Variants in WDR72 observed in about 807,000 individuals in gnomAD.
WDR72 encodes WD repeat-containing protein 72.
In WDR72, 120 loss-of-function variants were observed where a neutral mutation model predicts 124.2. The ratio of observed to expected loss-of-function variants is 0.97; its 90% CI spans 0.83 to 1.12. The LOEUF (loss-of-function observed/expected upper bound fraction) is 1.12. Among genes scored for constraint, WDR72 ranks in the 50% most tolerant of loss-of-function variants. The pLI is 0.00. For missense variants in WDR72, 1,387 were observed against 1,278.8 expected, an observed-to-expected ratio of 1.08 and a Z score of -1.29; for synonymous variants, 452 against 441.7, an observed-to-expected ratio of 1.02 and a Z score of -0.29.
At chr15:53,713,975 G>T (rs1479097970) in intron 6 of WDR72, among the ~76,000 whole-genome samples, 1 of 152,096 alleles carries the variant, frequency 6.6e-6, no homozygotes, top group Non-Finnish European at 1.5e-5. Flanking sequence ...AACACACATA[G>T]TATGGCTGTT....
chr15:53,674,686 G>A (rs934896470), intron 13 of WDR72, among the ~76,000 whole-genome samples: 2 of 152,174 alleles, frequency 1.3e-5, no homozygotes, highest in African/African-American at 4.8e-5. Flanking sequence ...GGCTTATTTT[G>A]TACTATATAG....
At chr15:53,580,076 G>GC (rs2011835626) in intron 18 of WDR72, among the ~76,000 whole-genome samples, 1 of 151,950 alleles carries the variant, frequency 6.6e-6, no homozygotes, top group Non-Finnish European at 1.5e-5. Flanking sequence ...CAAGATAGCT[G>GC]CCCACATGTC....
intron 18 of WDR72, among the ~76,000 whole-genome samples, chr15:53,589,340 A>G (rs904649334): frequency 2.0e-5 from 3 of 151,880 alleles, no homozygotes; most frequent in Non-Finnish European, 4.4e-5. Flanking sequence ...ATGCTAAAGA[A>G]TAGCAATCGG....
chr15:53,691,862 G>A (rs984911961), intron 13 of WDR72, among the ~76,000 whole-genome samples: 1 of 152,138 alleles, frequency 6.6e-6, no homozygotes, highest in African/African-American at 2.4e-5. Flanking sequence ...CTAAGCAATA[G>A]AATTAGTTTG....
At chr15:53,669,015 GAAAAGAAGAAGGGAGGAA>G in intron 13 of WDR72, among the ~76,000 whole-genome samples, 28 of 133,350 alleles carry the variant, frequency 2.1e-4, no homozygotes, top group Admixed American at 1.3e-3. Context: ...AGGAGAAGGA[GAAAAGAAGAAGGGAGGAA>G]GGGAAAGAAG....
intron 16 of WDR72, among the ~76,000 whole-genome samples, chr15:53,612,806 G>T (rs2013600805): frequency 6.6e-6 from 1 of 151,966 alleles, no homozygotes; most frequent in African/African-American, 2.4e-5. Context: ...GCTTGGGTGG[G>T]AACAGAGTGC....
At chr15:53,579,960 A>G (rs1302174150) in intron 18 of WDR72, among the ~76,000 whole-genome samples, 3 of 152,122 alleles carry the variant, frequency 2.0e-5, no homozygotes, top group Non-Finnish European at 4.4e-5. Flanking sequence ...AGCCTGTTTA[A>G]CATGATAATT....
intron 18 of WDR72, among the ~76,000 whole-genome samples, chr15:53,590,440 C>T (rs1906435): frequency 0.8 from 121,629 of 151,586 alleles, 49,147 homozygotes; most frequent in Middle Eastern, 0.93. Context: ...GACTGCATAT[C>T]CAATATCTGT....
At chr15:53,743,426 G>C (rs1421482222) in intron 1 of WDR72, among the ~76,000 whole-genome samples, 1 of 152,050 alleles carries the variant, frequency 6.6e-6, no homozygotes, top group Non-Finnish European at 1.5e-5. Flanking sequence ...AACAGCATTT[G>C]TGATATATTT....
At chr15:53,678,963 ATCAG>A (rs1331678409) in intron 13 of WDR72, among the ~76,000 whole-genome samples, 3 of 152,252 alleles carry the variant, frequency 2.0e-5, no homozygotes, top group Non-Finnish European at 4.4e-5. Flanking sequence ...AAAATGGAGT[ATCAG>A]TCAGCCTTAA....
chr15:53,529,166 T>G (rs60569924), intron 18 of WDR72, among the ~76,000 whole-genome samples: 1 of 48,770 alleles, frequency 2.1e-5, no homozygotes, highest in South Asian at 5.9e-4. Context: ...ATATATATAT[T>G]TTTTTTTTTT....
intron 17 of WDR72, among the ~76,000 whole-genome samples, chr15:53,599,511 A>G (rs540528379): frequency 1.3e-5 from 2 of 152,306 alleles, no homozygotes; most frequent in South Asian, 4.1e-4. Flanking sequence ...AAATTAGGAT[A>G]AGAGCTTTCA....
chr15:53,539,645 G>A (rs1240432336), intron 18 of WDR72, among the ~76,000 whole-genome samples: 19 of 149,660 alleles, frequency 1.3e-4, no homozygotes, highest in African/African-American at 4.2e-4. Context: ...GTAAACATTA[G>A]GAAAAAAAAA....
At chr15:53,573,016 G>C (rs527804812) in intron 18 of WDR72, among the ~76,000 whole-genome samples, 1 of 152,288 alleles carries the variant, frequency 6.6e-6, no homozygotes, top group Middle Eastern at 3.4e-3. Context: ...GTTGGGAGGA[G>C]GTAGAGGTAT....
At chr15:53,600,145 T>C (rs2012979236) in intron 17 of WDR72, among the ~76,000 whole-genome samples, 1 of 152,140 alleles carries the variant, frequency 6.6e-6, no homozygotes, top group African/African-American at 2.4e-5. Context: ...GGGCACTACA[T>C]AAATACCAGT....
intron 18 of WDR72, among the ~76,000 whole-genome samples, chr15:53,536,160 C>G (rs987546787): frequency 6.6e-6 from 1 of 152,082 alleles, no homozygotes. Flanking sequence ...GCTGGCTGCT[C>G]ACCATCACCA....
At chr15:53,668,412 G>C (rs1316109765) in intron 13 of WDR72, among the ~76,000 whole-genome samples, 1 of 152,202 alleles carries the variant, frequency 6.6e-6, no homozygotes, top group Admixed American at 6.5e-5. Context: ...GAAAGACCTT[G>C]GTTAAAATTC....
At chr15:53,659,796 C>T (rs148879977) in intron 14 of WDR72, among the ~76,000 whole-genome samples, 1 of 152,048 alleles carries the variant, frequency 6.6e-6, no homozygotes, top group East Asian at 1.9e-4. Context: ...CAGTTATACA[C>T]TGTCAAAAAC....
At chr15:53,758,786 T>G (rs1050975718) in intron 1 of WDR72, among the ~76,000 whole-genome samples, 1,881 of 11,188 alleles carry the variant, frequency 0.17, 3 homozygotes, top group Admixed American at 0.19. Flanking sequence ...GGGGGGGCGG[T>G]GCGGGCGGGG....
Sources: allele counts gnomAD v4.1 joint callset (sites outside exome capture counted in the v4.1 genomes callset), GRCh38; gene constraint gnomAD v4.1.1; transcripts MANE v1.5; gene names NCBI Gene and HGNC (gene_info 2026-07-23, HGNC 2026-07-21).